PDCD6: variants seen among roughly 807,000 people sequenced by gnomAD.
PDCD6 encodes the protein programmed cell death 6, also known as programmed cell death protein 6.
Under a neutral mutation model 28.3 loss-of-function variants are expected in PDCD6, and 12 were observed. The observed-to-expected ratio is 0.42, with a 90% CI of 0.27 to 0.69. The LOEUF (loss-of-function observed/expected upper bound fraction) is 0.69. Among genes scored for constraint, PDCD6 ranks in the 30% least tolerant of loss-of-function variants. PDCD6 has a pLI of 0.22. For synonymous variants in PDCD6, 92 were observed against 108.0 expected (o/e 0.85, Z 0.92); for missense variants, 226 against 269.9 (o/e 0.84, Z 1.14).
At chr5:287,326 TAG>T (rs371957646) in intron 2 of PDCD6, among the ~76,000 whole-genome samples, 6 of 151,874 alleles carry the variant, frequency 4.0e-5, no homozygotes, top group African/African-American at 9.7e-5. Context: ...GTTAGGGAAG[TAG>T]AGAGAGAGAG....
At chr5:281,160 A>G (rs879876327) in intron 2 of PDCD6, among the ~76,000 whole-genome samples, 1 of 152,260 alleles carries the variant, frequency 6.6e-6, no homozygotes, top group East Asian at 1.9e-4. Flanking sequence ...AGGCTAATGG[A>G]AAGTAGAAAA....
At chr5:311,125 G>A (rs1051239278) in intron 4 of PDCD6, 168 bp from the exon 5 acceptor site, 21 of 638,454 alleles carry the variant, frequency 3.3e-5, no homozygotes, top group African/African-American at 1.1e-4. Flanking sequence ...TGATATATTC[G>A]GGAAGTGTCT....
intron 2 of PDCD6, chr5:290,441 A>G (rs1739247969): frequency 7.8e-6 from 5 of 639,082 alleles, no homozygotes; most frequent in Non-Finnish European, 1.1e-5. Flanking sequence ...CATGCAGGCC[A>G]AGTTGGGTGG....
intron 2 of PDCD6, among the ~76,000 whole-genome samples, chr5:280,035 A>G (rs1738468233): frequency 6.7e-6 from 1 of 149,162 alleles, no homozygotes; most frequent in Admixed American, 6.6e-5. Flanking sequence ...GGAGACTCCA[A>G]GGACGAATGG....
In PDCD6 at chr5:299,613, A is replaced by ACG. The variant is rs1561044736; in HGVS notation, c.164-4564_164-4563insCG. 3.3e-5 allele frequency among the ~76,000 whole-genome samples: 5 copies of ACG among 151,366 alleles called. No homozygotes were observed. In the South Asian group the frequency reaches 6.2e-4, roughly 19 times the overall value. ...CGCCCAGGCTGGAGTCCAGTGGTGC[A>ACG]ATCTCAGCTCACTGCAAGCTCCACC... is the stretch of plus-strand genomic sequence containing the variant. On this transcript the variant is annotated intron_variant, in intron 2 of 5. Transcript: ENST00000264933.
At chr5:289,910 A>G (rs1739214835) in intron 2 of PDCD6, 1 of 1,497,282 alleles carries the variant, frequency 6.7e-7, no homozygotes, top group South Asian at 1.1e-5. Flanking sequence ...TTTTTCTCTG[A>G]AGAAGGATAA....
Position 307,784 on chromosome 5 carries a change from C to T in PDCD6, c.367+1024C>T, listed in dbSNP as rs1019029170. Among the ~76,000 whole-genome samples the T allele has an allele frequency of 8.5e-5, 13 of 152,098 alleles. No individual in the cohort carries two copies. The highest frequency in any genetic ancestry group is 4.6e-4 in the Admixed American group (7 of 15,282). On this transcript the variant is annotated intron_variant, in intron 4 of 5. Coordinates refer to ENST00000264933, the MANE Select transcript of PDCD6 (RefSeq NM_013232.4). The surrounding 1 kb of genome is among the most constrained non-coding windows in gnomAD (Gnocchi z 6.1). ...CCCTGGAGTCTCACTTATCTAAGCACGTCGCCTCTCCTCGTGTTTCCTCCC... is the reference window on the plus strand; with the variant it reads ...CCCTGGAGTCTCACTTATCTAAGCATGTCGCCTCTCCTCGTGTTTCCTCCC...
chr5:287,898 G>T (rs1200454731), intron 2 of PDCD6, among the ~76,000 whole-genome samples: 1 of 152,152 alleles, frequency 6.6e-6, no homozygotes, highest in South Asian at 2.1e-4. Flanking sequence ...GCAAGCAAAA[G>T]TTCAAGGAAC....
rs189996776 is a variant in PDCD6 at position 288,671 on chromosome 5, T to A, written c.164-15506T>A. On this transcript the variant is annotated intron_variant, in intron 2 of 5. Transcript: ENST00000264933. ...ACCCAGAGGAGCTGATATTCACAGT[T>A]CTTACGTGTACAACTCTTCCAGGAA... Among the ~76,000 whole-genome samples the A allele has an allele frequency of 2.6e-5, 4 of 152,202 alleles. No homozygotes were observed. The East Asian group carries it at 5.8e-4, about 22-fold the overall frequency.
At chr5:309,618 C>T in intron 4 of PDCD6, 1 of 208,760 alleles carries the variant, frequency 4.8e-6, no homozygotes, top group South Asian at 4.6e-5. Flanking sequence ...CCAGTGATGG[C>T]CGCCGTCCCC....
chr5:276,603 T>C (rs11957535), intron 2 of PDCD6: 149,231 of 978,244 alleles, frequency 0.15, 16,236 homozygotes, highest in African/African-American at 0.53. Flanking sequence ...ATTAGTTTGA[T>C]TTCTATAATA....
chr5:276,850 A>G (rs970313043), intron 2 of PDCD6: 1 of 985,236 alleles, frequency 1.0e-6, no homozygotes, highest in Non-Finnish European at 1.2e-6. Context: ...AGCTGCTAAA[A>G]ATTACTGCTC....
chr5:288,580 A>G (rs1180432239), intron 2 of PDCD6, among the ~76,000 whole-genome samples: 2 of 149,620 alleles, frequency 1.3e-5, no homozygotes, highest in African/African-American at 5.1e-5. Context: ...AAATCTATAC[A>G]CAAACCACTG....
At chr5:298,508 G>C (rs1292715869) in intron 2 of PDCD6, among the ~76,000 whole-genome samples, 3 of 151,840 alleles carry the variant, frequency 2.0e-5, no homozygotes, top group Non-Finnish European at 2.9e-5. Flanking sequence ...AAGCTCTGTG[G>C]GGCTCCGGCA....
At chr5:284,750 C>T (rs1232820854) in intron 2 of PDCD6, among the ~76,000 whole-genome samples, 2 of 149,794 alleles carry the variant, frequency 1.3e-5, no homozygotes, top group Admixed American at 1.3e-4. Context: ...CTGGAGACAC[C>T]GCGGGGAGCT....
intron 5 of PDCD6, 88 bp downstream of exon 5, chr5:311,490 C>G (rs1304362331): frequency 1.2e-5 from 10 of 838,812 alleles, no homozygotes; most frequent in Admixed American, 1.1e-4. Context: ...ATCTAAGGAG[C>G]TGGGCATGTG....
At chr5:286,985 C>T (rs1204432781) in intron 2 of PDCD6, among the ~76,000 whole-genome samples, 7 of 151,076 alleles carry the variant, frequency 4.6e-5, no homozygotes, top group African/African-American at 1.5e-4. Flanking sequence ...GTTTGTGGGT[C>T]GTGGAGCTGG....
intron 2 of PDCD6, chr5:290,210 G>C (rs1274876521): frequency 2.3e-5 from 36 of 1,560,634 alleles, no homozygotes; most frequent in Non-Finnish European, 3.1e-5. Flanking sequence ...CACTGAATCT[G>C]TTTCTCCAGT....
chr5:287,843 T>C (rs1739070017), intron 2 of PDCD6, among the ~76,000 whole-genome samples: 1 of 152,194 alleles, frequency 6.6e-6, no homozygotes, highest in African/African-American at 2.4e-5. Context: ...TTGCATACTC[T>C]AGAATAATTT....
Sources: gnomAD v4.1 joint callset for allele counts (sites outside exome capture counted in the v4.1 genomes callset) on GRCh38, gnomAD v4.1.1 for gene constraint, Gnocchi (gnomAD v3.1) non-coding constraint, MANE v1.5 for transcripts, NCBI Gene and HGNC (gene_info 2026-07-23, HGNC 2026-07-21) for gene names.